EML5: variants seen among roughly 807,000 people sequenced by gnomAD.
EML5 encodes the protein EMAP like 5.
EML5 carries 120 observed loss-of-function variants against 250.0 expected under a neutral mutation model. The ratio of observed to expected loss-of-function variants is 0.48; its 90% CI spans 0.41 to 0.56. EML5 has a LOEUF of 0.56. Among genes scored for constraint, EML5 ranks in the 20% least tolerant of loss-of-function variants. The pLI, the probability that EML5 is intolerant of heterozygous loss-of-function variation, is 0.00. For missense variants in EML5, 2,006 were observed against 2,437.6 expected, an observed-to-expected ratio of 0.82 and a Z score of 3.73; for synonymous variants, 771 against 806.5, an observed-to-expected ratio of 0.96 and a Z score of 0.75.
chr14:88,759,032 G>C (rs28708816), intron 1 of EML5, among the ~76,000 whole-genome samples: 1 of 152,144 alleles, frequency 6.6e-6, no homozygotes, highest in Non-Finnish European at 1.5e-5. Flanking sequence ...TAATGAGCTT[G>C]GGAATTTTTT....
chr14:88,716,527 G>C (rs947523770), intron 8 of EML5, among the ~76,000 whole-genome samples: 2 of 151,988 alleles, frequency 1.3e-5, no homozygotes, highest in Non-Finnish European at 2.9e-5. Flanking sequence ...GGCACTATTT[G>C]GCAGCTTTTA....
chr14:88,637,612 C>T (rs948868578), intron 32 of EML5, among the ~76,000 whole-genome samples: 14 of 152,134 alleles, frequency 9.2e-5, no homozygotes, highest in African/African-American at 3.4e-4. Flanking sequence ...ATCCCCAGCA[C>T]CTAAAACAAT....
chr14:88,705,538 C>T lies in EML5; in HGVS notation c.1876G>A (p.Val626Ile), dbSNP rs780062598. The stretch of plus-strand genomic sequence containing the variant: ...TCAATTTCAGAATCCAGTTCTGGAA[C>T]ATCAGACAGATCTGAATCTGATTCA... Reference protein sequence around the residue: ...SDESDSDLSDVPELDSEIEQE... With the variant: ...SDESDSDLSDIPELDSEIEQE... Residue 626 changes from valine to isoleucine, a missense_variant, in exon 12 of 44, where the codon GTT (valine) becomes ATT (isoleucine). Around this residue, in one of 7 missense-constraint regions of EML5, gnomAD observed 1,375 missense variants for 1,590.3 expected, o/e 0.86. Transcript: ENST00000554922. The T allele has an allele frequency of 1.9e-6, 3 of 1,604,034 alleles. No homozygotes were observed. The highest frequency in any genetic ancestry group is 2.2e-5 in the East Asian group (1 of 44,702).
At chr14:88,693,763 C>CTTTTTTTTTT (rs71127002) in intron 17 of EML5, among the ~76,000 whole-genome samples, 1 of 62,846 alleles carries the variant, frequency 1.6e-5, no homozygotes, top group Non-Finnish European at 2.7e-5. Context: ...ATGTTAACAT[C>CTTTTTTTTTT]TTTTTTTTTT....
chr14:88,672,277 C>T (rs572596135), intron 21 of EML5, among the ~76,000 whole-genome samples: 1 of 152,220 alleles, frequency 6.6e-6, no homozygotes, highest in South Asian at 2.1e-4. Flanking sequence ...AGAAATTGAA[C>T]AACCTGCTCC....
At chr14:88,759,670 C>A (rs1465682089) in intron 1 of EML5, among the ~76,000 whole-genome samples, 2 of 102,606 alleles carry the variant, frequency 1.9e-5, no homozygotes, top group Non-Finnish European at 3.6e-5. Context: ...AGTGACAGGG[C>A]AAGTCACCAT....
chr14:88,769,635 T>A (rs1169599454), intron 1 of EML5, among the ~76,000 whole-genome samples: 1 of 152,146 alleles, frequency 6.6e-6, no homozygotes, highest in Admixed American at 6.5e-5. Flanking sequence ...AAACCTTATT[T>A]ACAAAAAATA....
At position 88,688,465 on chromosome 14, in the gene EML5, A is replaced by G. The variant is rs1362672703; in HGVS notation, c.2548T>C (p.Leu850=). ...MKFWRKAGGG[L]IGRKGYIGTL... Reference sequence around the variant, plus strand: ...CCTATGTAGCCTTTTCTTCCAATCAATCCTCCCCCTAGTTCACAAAAAATA... The same window carrying G: ...CCTATGTAGCCTTTTCTTCCAATCAGTCCTCCCCCTAGTTCACAAAAAATA... The change falls in exon 18 of 44, where the codon TTG becomes CTG. Residue 850 remains leucine (L), a synonymous_variant. Transcript: ENST00000554922. 6.2e-7 allele frequency: 1 copy of G among 1,613,684 alleles called. No homozygotes were observed. The highest frequency in any genetic ancestry group is 8.5e-7 in the Non-Finnish European group (1 of 1,179,844).
Position 88,704,897 on chromosome 14 carries a change from C to T in EML5, c.2014G>A (p.Ala672Thr), listed in dbSNP as rs1286323856. ...TGTAATCGAATACTATTTCCTGGAG[C>T]CCGCTCTCTTCTTTTAGAAGTAGCA... is the stretch of plus-strand genomic sequence containing the variant. ...KSATSKRRER[A>T]PGNSIRLHFV... Residue 672 changes from alanine (A) to threonine (T), a missense_variant, in exon 13 of 44, where the codon GCT (alanine) becomes ACT (threonine). Around this residue, in one of 7 missense-constraint regions of EML5, gnomAD observed 1,375 missense variants for 1,590.3 expected, o/e 0.86. Coordinates refer to ENST00000554922, the MANE Select transcript of EML5 (RefSeq NM_183387.3). The T allele has an allele frequency of 4.3e-6, 7 of 1,613,130 alleles. No individual in the cohort carries two copies. The highest frequency in any genetic ancestry group is 5.9e-6 in the Non-Finnish European group (7 of 1,179,438).
chr14:88,716,732 AACACAC>A (rs58701181), intron 8 of EML5, among the ~76,000 whole-genome samples: 97 of 148,064 alleles, frequency 6.6e-4, no homozygotes, highest in African/African-American at 1.5e-3. Context: ...ACTGCTCACC[AACACAC>A]ACACACACAC....
chr14:88,646,422 C>A (rs1249376185), intron 29 of EML5, among the ~76,000 whole-genome samples: 5 of 152,014 alleles, frequency 3.3e-5, no homozygotes, highest in African/African-American at 1.2e-4. Flanking sequence ...AAAAATAAAA[C>A]TGAATTTATC....
chr14:88,641,716 T>G (rs1365135453), intron 31 of EML5, among the ~76,000 whole-genome samples: 1 of 152,076 alleles, frequency 6.6e-6, no homozygotes, highest in Non-Finnish European at 1.5e-5. Flanking sequence ...TCCTACACTA[T>G]GCACAATGTA....
intron 2 of EML5, among the ~76,000 whole-genome samples, chr14:88,753,143 G>A (rs1179657303): frequency 6.6e-6 from 1 of 152,120 alleles, no homozygotes. Flanking sequence ...GGCTCCAGAG[G>A]TTGTGGGTAA....
chr14:88,764,031 G>A lies in EML5; in HGVS notation c.198-9360C>T, dbSNP rs150423348. Among the ~76,000 whole-genome samples the A allele has an allele frequency of 2.1e-3, 317 of 152,242 alleles. 3 individuals carry two copies. Among genetic ancestry groups the A allele is most frequent in the African/African-American group, 7.1e-3 (295 of 41,546 alleles). Reference sequence around the variant, plus strand: ...TTTTCTTCTTTAGCAATTATATAGCGAATTACACTGATTAATTTTTAAATG... The same window carrying A: ...TTTTCTTCTTTAGCAATTATATAGCAAATTACACTGATTAATTTTTAAATG... On this transcript the variant is annotated intron_variant, in intron 1 of 43. Coordinates refer to ENST00000554922, the MANE Select transcript of EML5 (RefSeq NM_183387.3).
chr14:88,681,789 T>G, intron 21 of EML5, 101 bp downstream of exon 21: 1 of 1,290,790 alleles, frequency 7.7e-7, no homozygotes, highest in Non-Finnish European at 1.0e-6. Flanking sequence ...TTCAACATAT[T>G]TAAAGCCTTT....
intron 21 of EML5, among the ~76,000 whole-genome samples, chr14:88,680,459 C>T (rs1047932455): frequency 9.9e-5 from 15 of 151,608 alleles, no homozygotes; most frequent in African/African-American, 2.9e-4. Context: ...CTTTCATAAA[C>T]CTTAGATTCA....
chr14:88,725,050 A>T (rs2093646280), intron 8 of EML5, among the ~76,000 whole-genome samples: 1 of 152,172 alleles, frequency 6.6e-6, no homozygotes, highest in South Asian at 2.1e-4. Flanking sequence ...TTTATATTCA[A>T]ATGTTATATT....
chr14:88,643,428 T>C (rs960326635), intron 30 of EML5, among the ~76,000 whole-genome samples: 2 of 152,136 alleles, frequency 1.3e-5, no homozygotes, highest in African/African-American at 4.8e-5. Context: ...ATAACAAATA[T>C]GTATACAGCA....
intron 5 of EML5, among the ~76,000 whole-genome samples, chr14:88,739,486 G>C (rs2093893387): frequency 6.6e-6 from 1 of 151,876 alleles, no homozygotes; most frequent in Admixed American, 6.6e-5. Context: ...GAACATAAAA[G>C]AAAATAAATT....
Sources: gnomAD v4.1 joint callset for allele counts (sites outside exome capture counted in the v4.1 genomes callset) on GRCh38, gnomAD v4.1.1 for gene constraint, gnomAD v4.1.1 regional missense constraint, MANE v1.5 for transcripts, NCBI Gene and HGNC (gene_info 2026-07-23, HGNC 2026-07-21) for gene names.